The following GCNT2 variants were observed in gnomAD, a reference collection of about 807,000 sequenced individuals.
GCNT2 encodes N-acetyllactosaminide beta-1,6-N-acetylglucosaminyl-transferase.
In GCNT2, 34 loss-of-function variants were observed where a neutral mutation model predicts 34.2. The observed-to-expected ratio is 1.00, with a 90% CI of 0.76 to 1.32. The LOEUF (loss-of-function observed/expected upper bound fraction) is 1.32. Among genes scored for constraint, GCNT2 ranks in the 40% most tolerant of loss-of-function variants. GCNT2 has a pLI of 0.00. For missense variants in GCNT2, 584 were observed against 489.4 expected (o/e 1.19, Z -1.82); for synonymous variants, 212 against 188.0 (o/e 1.13, Z -1.04).
intron 3 of GCNT2, among the ~76,000 whole-genome samples, chr6:10,536,477 C>T (rs1193693684): frequency 1.3e-5 from 2 of 151,726 alleles, no homozygotes. Context: ...GCCTCAGCCT[C>T]CCGAGTAGCT....
chr6:10,602,646 G>T (rs931339481), intron 3 of GCNT2, among the ~76,000 whole-genome samples: 1 of 142,084 alleles, frequency 7.0e-6, no homozygotes, highest in Non-Finnish European at 1.5e-5. Flanking sequence ...TGCAAATAGG[G>T]GTTAAAATTA....
intron 3 of GCNT2, among the ~76,000 whole-genome samples, chr6:10,533,800 CAAAAAA>C (rs869274003): frequency 6.9e-5 from 3 of 43,372 alleles, no homozygotes; most frequent in African/African-American, 9.7e-5. Flanking sequence ...GACTCTGTCT[CAAAAAA>C]AAAAAAAAAA....
At chr6:10,567,221 A>G (rs1342913650) in intron 3 of GCNT2, among the ~76,000 whole-genome samples, 1 of 152,174 alleles carries the variant, frequency 6.6e-6, no homozygotes, top group Non-Finnish European at 1.5e-5. Context: ...GCTACTCAGG[A>G]GGCTAAGGTG....
chr6:10,529,974 T>C lies in GCNT2; in HGVS notation c.925+138T>C. 1.6e-5 allele frequency: 12 copies of C among 733,742 alleles called. No homozygotes were observed. In the South Asian group the frequency reaches 1.9e-4, roughly 11 times the overall value. The allele number at this position is 733,742 out of a possible 1,614,324, so 45.5% of individuals were successfully genotyped here. Reference sequence around the variant, plus strand: ...ATGTCAAATTAAAAAAAAAATTTCATCTGTAAAATGGTAAAATGGAGATGT... The same window carrying C: ...ATGTCAAATTAAAAAAAAAATTTCACCTGTAAAATGGTAAAATGGAGATGT... On this transcript the variant is annotated intron_variant, in intron 3 of 4. Transcript: ENST00000495262.
intron 3 of GCNT2, among the ~76,000 whole-genome samples, chr6:10,543,074 A>C (rs762200131): frequency 2.8e-4 from 42 of 150,974 alleles, no homozygotes; most frequent in Admixed American, 1.1e-3. Context: ...CACCCGGCTA[A>C]TTTTTATATT....
chr6:10,523,103 A>T (rs760831237), intron 1 of GCNT2, among the ~76,000 whole-genome samples: 1 of 152,124 alleles, frequency 6.6e-6, no homozygotes, highest in Non-Finnish European at 1.5e-5. Context: ...CATTGCCTCA[A>T]AGTTATTTGA....
intron 3 of GCNT2, among the ~76,000 whole-genome samples, chr6:10,593,576 G>A (rs766677709): frequency 1.3e-5 from 2 of 152,088 alleles, no homozygotes; most frequent in Non-Finnish European, 2.9e-5. Context: ...GGGCTCAATT[G>A]ATTCTCTCCT....
At position 10,601,939 on chromosome 6, in the gene GCNT2, T is replaced by TTAAAAAAA. The variant is rs1561830857; in HGVS notation, c.926-19412_926-19411insTAAAAAAA. On this transcript the variant is annotated intron_variant, in intron 3 of 4. Coordinates refer to ENST00000495262, the MANE Select transcript of GCNT2 (RefSeq NM_145649.5). ...CTGGGCAACAGAGCGAGACTCCATC[T>TTAAAAAAA]CAAGAAAAAAAAAAAAAAAAACAAA... Among the ~76,000 whole-genome samples, 72 of 76,364 alleles carry TTAAAAAAA rather than the reference T, an allele frequency of 9.4e-4. 1 individual carries two copies. Among genetic ancestry groups the TTAAAAAAA allele is most frequent in the African/African-American group, 5.3e-3 (69 of 13,108 alleles). 50.1% of individuals were successfully genotyped at this position (76,364 alleles called of 152,430 possible).
chr6:10,570,863 G>T (rs1763525616), intron 3 of GCNT2, among the ~76,000 whole-genome samples: 1 of 152,210 alleles, frequency 6.6e-6, no homozygotes, highest in South Asian at 2.1e-4. Context: ...GTCTGTTGGA[G>T]TTAACCGGCT....
intron 3 of GCNT2, among the ~76,000 whole-genome samples, chr6:10,604,009 C>T (rs1014559550): frequency 6.6e-6 from 1 of 152,012 alleles, no homozygotes; most frequent in Non-Finnish European, 1.5e-5. Context: ...GATTCTCTTG[C>T]CTCAGCCTCC....
At chr6:10,547,050 C>G (rs147535689) in intron 3 of GCNT2, among the ~76,000 whole-genome samples, 1 of 152,132 alleles carries the variant, frequency 6.6e-6, no homozygotes, top group East Asian at 1.9e-4. Flanking sequence ...TTATTTTAAA[C>G]TAGTTCAAAC....
rs1392741798 is a variant in GCNT2 at position 10,582,231 on chromosome 6, T to TAAAA, written c.926-39120_926-39119insAAAA. ...TTTATTATATATATAATTATATATA[T>TAAAA]TTAAATATATAAAATATATATAATA... On this transcript the variant is annotated intron_variant, in intron 3 of 4. Transcript: ENST00000495262. 4.7e-3 allele frequency among the ~76,000 whole-genome samples: 532 copies of TAAAA among 112,684 alleles called. 7 individuals are homozygous for TAAAA. The highest frequency in any genetic ancestry group is 0.016 in the African/African-American group (459 of 29,174). 73.9% of individuals were successfully genotyped at this position (112,684 alleles called of 152,430 possible).
At chr6:10,616,433 A>G (rs1173285690) in intron 3 of GCNT2, among the ~76,000 whole-genome samples, 1 of 152,198 alleles carries the variant, frequency 6.6e-6, no homozygotes, top group Non-Finnish European at 1.5e-5. Context: ...TTATTCTCTT[A>G]TCTGGCCCCA....
intron 3 of GCNT2, among the ~76,000 whole-genome samples, chr6:10,589,155 TGTGCGTGTG>T: frequency 1.5e-5 from 2 of 135,512 alleles, no homozygotes; most frequent in Non-Finnish European, 1.6e-5. Context: ...TGTGGGTGTG[TGTGCGTGTG>T]GTGTGTGTGT....
chr6:10,537,698 C>CAAAAAAAAAAAAAAAAAA (rs201257236), intron 3 of GCNT2, among the ~76,000 whole-genome samples: 2 of 83,224 alleles, frequency 2.4e-5, no homozygotes, highest in African/African-American at 5.8e-5. Context: ...GATTCTGCCG[C>CAAAAAAAAAAAAAAAAAA]AAAAAAAAAA....
intron 3 of GCNT2, chr6:10,586,644 G>T: frequency 6.2e-7 from 1 of 1,614,146 alleles, no homozygotes; most frequent in South Asian, 1.1e-5. Flanking sequence ...CACCCCAGGG[G>T]TGCTGCCTCC....
chr6:10,563,741 CAAAA>C (rs1206466560), intron 3 of GCNT2, among the ~76,000 whole-genome samples: 1 of 70,848 alleles, frequency 1.4e-5, no homozygotes, highest in Non-Finnish European at 2.5e-5. Flanking sequence ...GACTCCATCT[CAAAA>C]AAAGAAAAAA....
chr6:10,531,004 A>C (rs1052239014), intron 3 of GCNT2, among the ~76,000 whole-genome samples: 11 of 151,424 alleles, frequency 7.3e-5, no homozygotes, highest in Admixed American at 4.0e-4. Context: ...CAGTGAGCCA[A>C]GATCACGTCA....
chr6:10,540,922 G>C (rs1762010134), intron 3 of GCNT2, among the ~76,000 whole-genome samples: 1 of 152,134 alleles, frequency 6.6e-6, no homozygotes, highest in South Asian at 2.1e-4. Flanking sequence ...AGTGTGGTCT[G>C]CCTTTGGGAG....
Sources: allele counts gnomAD v4.1 joint callset (sites outside exome capture counted in the v4.1 genomes callset), GRCh38; gene constraint gnomAD v4.1.1; transcripts MANE v1.5; gene names NCBI Gene and HGNC (gene_info 2026-07-23, HGNC 2026-07-21).